ADARB2: variants seen among roughly 807,000 people sequenced by gnomAD.
The protein encoded by ADARB2 is inactive double-stranded RNA-specific editase B2.
ADARB2 carries 25 observed loss-of-function variants against 62.2 expected under a neutral mutation model. The observed-to-expected ratio is 0.40, with a 90% confidence interval of 0.29 to 0.56. ADARB2 has a LOEUF of 0.56. ADARB2 is among the 20% of genes least tolerant of loss of function. The pLI, the probability that ADARB2 is intolerant of heterozygous loss-of-function variation, is 0.43. For synonymous variants in ADARB2, 572 were observed against 500.8 expected (o/e 1.14, Z -1.90); for missense variants, 1,071 against 1,077.4 (o/e 0.99, Z 0.08).
intron 1 of ADARB2, among the ~76,000 whole-genome samples, chr10:1,524,899 T>G (rs1389518561): frequency 6.6e-6 from 1 of 152,150 alleles, no homozygotes; most frequent in African/African-American, 2.4e-5. Context: ...CAGAAAATAG[T>G]CAGGATAGTC....
chr10:1,367,312 A>G (rs1041035287), intron 2 of ADARB2, among the ~76,000 whole-genome samples: 3 of 151,942 alleles, frequency 2.0e-5, no homozygotes, highest in African/African-American at 7.3e-5. Flanking sequence ...TAAAATCTCT[A>G]TTTCTCATTT....
intron 4 of ADARB2, among the ~76,000 whole-genome samples, chr10:1,252,882 C>A (rs745706427): frequency 6.6e-6 from 1 of 152,110 alleles, no homozygotes; most frequent in Non-Finnish European, 1.5e-5. Flanking sequence ...TCAGAAGACA[C>A]CAGTGTCTCC....
chr10:1,587,944 C>T (rs1200247849), intron 1 of ADARB2, among the ~76,000 whole-genome samples: 2 of 152,114 alleles, frequency 1.3e-5, no homozygotes, highest in Admixed American at 1.3e-4. Flanking sequence ...ATTGTGAGGC[C>T]TCCCTAGTCT....
At chr10:1,235,276 T>C (rs893603335) in intron 5 of ADARB2, among the ~76,000 whole-genome samples, 1 of 135,022 alleles carries the variant, frequency 7.4e-6, no homozygotes, top group South Asian at 2.6e-4. Context: ...TGGAGAACCG[T>C]GGCGAAACGG....
chr10:1,249,982 G>A (rs930234069), intron 4 of ADARB2, among the ~76,000 whole-genome samples: 1 of 150,862 alleles, frequency 6.6e-6, no homozygotes, highest in Non-Finnish European at 1.5e-5. Context: ...GGCAGCAAAC[G>A]AGATAATAGG....
At chr10:1,532,232 G>A (rs117927743) in intron 1 of ADARB2, among the ~76,000 whole-genome samples, 285 of 152,258 alleles carry the variant, frequency 1.9e-3, no homozygotes, top group Non-Finnish European at 3.5e-3. Flanking sequence ...AAGACAGACC[G>A]TTCTGTGATG....
chr10:1,610,938 A>T (rs1474395307), intron 1 of ADARB2, among the ~76,000 whole-genome samples: 1 of 152,140 alleles, frequency 6.6e-6, no homozygotes, highest in Non-Finnish European at 1.5e-5. Flanking sequence ...TGGGGGCTTT[A>T]ACTCATGAAT....
intron 1 of ADARB2, among the ~76,000 whole-genome samples, chr10:1,577,323 CCA>C: frequency 4.0e-5 from 6 of 150,584 alleles, no homozygotes; most frequent in Middle Eastern, 3.4e-3. Context: ...TGGTGTAAGG[CCA>C]TCCAGAAGCT....
At chr10:1,591,414 A>G (rs575482879) in intron 1 of ADARB2, among the ~76,000 whole-genome samples, 2 of 152,206 alleles carry the variant, frequency 1.3e-5, no homozygotes, top group Admixed American at 1.3e-4. Context: ...CTGAGGGTCT[A>G]CAGCTGCATT....
chr10:1,307,733 T>C (rs1417715812), intron 3 of ADARB2, among the ~76,000 whole-genome samples: 1 of 89,108 alleles, frequency 1.1e-5, no homozygotes, highest in African/African-American at 3.9e-5. Context: ...ATATATACCA[T>C]GGAATACTAT....
intron 6 of ADARB2, among the ~76,000 whole-genome samples, chr10:1,223,839 GA>G (rs1202770100): frequency 6.6e-6 from 1 of 152,170 alleles, no homozygotes; most frequent in African/African-American, 2.4e-5. Flanking sequence ...ATTTTATTGA[GA>G]ATTTTTGCAT....
chr10:1,325,783 C>A (rs954848849), intron 3 of ADARB2, among the ~76,000 whole-genome samples: 4 of 152,116 alleles, frequency 2.6e-5, no homozygotes, highest in Non-Finnish European at 5.9e-5. Flanking sequence ...CGGAGGAAAG[C>A]ACTGGGCACC....
chr10:1,608,724 AAAGT>A (rs879401397), intron 1 of ADARB2, among the ~76,000 whole-genome samples: 1 of 145,616 alleles, frequency 6.9e-6, no homozygotes, highest in African/African-American at 2.7e-5. Flanking sequence ...AGGAAAGAAA[AAAGT>A]AAGAAAGAAA....
intron 1 of ADARB2, among the ~76,000 whole-genome samples, chr10:1,722,716 G>C (rs567190476): frequency 1.3e-5 from 2 of 152,212 alleles, no homozygotes; most frequent in East Asian, 3.9e-4. Context: ...ATTCCTTAAA[G>C]ATTTTTACCT....
chr10:1,652,934 CT>C (rs1762922668), intron 1 of ADARB2, among the ~76,000 whole-genome samples: 1 of 152,172 alleles, frequency 6.6e-6, no homozygotes, highest in Non-Finnish European at 1.5e-5. Context: ...CTCTGCTCTA[CT>C]CCTCTTCTGC....
chr10:1,671,814 C>T (rs1309284967), intron 1 of ADARB2, among the ~76,000 whole-genome samples: 3 of 151,726 alleles, frequency 2.0e-5, no homozygotes, highest in South Asian at 2.1e-4. Flanking sequence ...ACTGACACCA[C>T]GTCGCACCGA....
chr10:1,202,398 C>T (rs373214318), intron 7 of ADARB2, among the ~76,000 whole-genome samples: 30 of 150,950 alleles, frequency 2.0e-4, no homozygotes, highest in Admixed American at 5.9e-4. Context: ...AGGCTGGTCT[C>T]GAACTCCTGG....
intron 1 of ADARB2, among the ~76,000 whole-genome samples, chr10:1,622,101 G>A (rs1450658308): frequency 6.6e-6 from 1 of 152,110 alleles, no homozygotes; most frequent in Admixed American, 6.5e-5. Flanking sequence ...AATGGGGAAA[G>A]GATACTCTTT....
In ADARB2 at chr10:1,216,929, G is replaced by C. The variant is rs771305592; in HGVS notation, c.1682+22C>G. 3.8e-6 allele frequency: 6 copies of C among 1,589,378 alleles called. No homozygotes were observed. In the South Asian group the frequency reaches 5.5e-5, roughly 15 times the overall value. ...CCCACCGGCCGCAGCCAACATCCTC[G>C]AGAGGAAGCCGTGGGCCTCACCTGG... On this transcript the variant is annotated intron_variant, in intron 7 of 9. Coordinates refer to ENST00000381312, the MANE Select transcript of ADARB2 (RefSeq NM_018702.4).
Sources: allele counts gnomAD v4.1 joint callset (sites outside exome capture counted in the v4.1 genomes callset), GRCh38; gene constraint gnomAD v4.1.1; transcripts MANE v1.5; gene names NCBI Gene and HGNC (gene_info 2026-07-23, HGNC 2026-07-21).